Variants in NPAS3 observed in about 807,000 individuals in gnomAD.
NPAS3 encodes the protein neuronal PAS domain protein 3, also known as neuronal PAS domain-containing protein 3.
A neutral mutation model predicts 73.1 loss-of-function variants in NPAS3; 14 were observed. That is an observed-to-expected ratio of 0.19 (90% confidence interval 0.13 to 0.30). The LOEUF (loss-of-function observed/expected upper bound fraction) is 0.30, where lower values mean the gene tolerates loss of function less well. Ranked by LOEUF, NPAS3 falls within the 10% of genes least tolerant of loss-of-function variation. The pLI is 1.00. For missense variants in NPAS3, 1,096 were observed against 1,250.0 expected (o/e 0.88, Z 1.86); for synonymous variants, 620 against 541.5 (o/e 1.14, Z -2.01).
intron 5 of NPAS3, among the ~76,000 whole-genome samples, chr14:33,599,064 A>G (rs568886383): frequency 1.0e-3 from 158 of 152,278 alleles, no homozygotes; most frequent in African/African-American, 3.6e-3. Flanking sequence ...TATTAGGCAC[A>G]TGTTTTTTTT....
chr14:33,113,020 G>A (rs916082915), intron 2 of NPAS3, among the ~76,000 whole-genome samples: 5 of 152,120 alleles, frequency 3.3e-5, no homozygotes, highest in Admixed American at 6.5e-5. Context: ...TGCTCCATTG[G>A]TCTGTATCTC....
At chr14:33,178,730 T>C (rs934685877) in intron 2 of NPAS3, among the ~76,000 whole-genome samples, 8 of 152,200 alleles carry the variant, frequency 5.3e-5, no homozygotes, top group African/African-American at 1.9e-4. Flanking sequence ...ATGGATTCTT[T>C]GGGATTTTCT....
chr14:33,426,039 T>C (rs1423161080), intron 4 of NPAS3, among the ~76,000 whole-genome samples: 1 of 152,058 alleles, frequency 6.6e-6, no homozygotes, highest in Non-Finnish European at 1.5e-5. Context: ...AGGACTTATA[T>C]TCACTGAGCT....
chr14:33,203,822 C>T (rs2046715642), intron 2 of NPAS3, among the ~76,000 whole-genome samples: 2 of 152,104 alleles, frequency 1.3e-5, no homozygotes, highest in African/African-American at 2.4e-5. Flanking sequence ...ATTTATAATC[C>T]TTTGGGTATA....
intron 5 of NPAS3, among the ~76,000 whole-genome samples, chr14:33,669,321 T>C (rs1295640250): frequency 6.6e-6 from 1 of 152,218 alleles, no homozygotes; most frequent in Non-Finnish European, 1.5e-5. Context: ...CTATAGGCAC[T>C]TGAAAAATTC....
chr14:33,010,668 T>C (rs112664816), intron 1 of NPAS3, among the ~76,000 whole-genome samples: 12 of 152,272 alleles, frequency 7.9e-5, no homozygotes, highest in South Asian at 2.1e-4. Flanking sequence ...AACATTGAAG[T>C]AGGCTGGGCA....
At chr14:33,277,746 G>A (rs1334032187) in intron 3 of NPAS3, among the ~76,000 whole-genome samples, 17 of 152,124 alleles carry the variant, frequency 1.1e-4, no homozygotes, top group Non-Finnish European at 1.6e-4. Context: ...GGTTGGAATT[G>A]CTGGAGCAGA....
intron 5 of NPAS3, among the ~76,000 whole-genome samples, chr14:33,574,292 G>A (rs1353716312): frequency 6.6e-6 from 1 of 152,098 alleles, no homozygotes; most frequent in Non-Finnish European, 1.5e-5. Flanking sequence ...AAAGTGACCT[G>A]GCTGGTATCC....
intron 2 of NPAS3, among the ~76,000 whole-genome samples, chr14:33,198,216 CA>C (rs1324334240): frequency 1.3e-5 from 2 of 152,176 alleles, no homozygotes; most frequent in African/African-American, 2.4e-5. Context: ...TTGCAAAGAG[CA>C]AAAGAACAAA....
At chr14:33,498,599 C>A (rs149820200) in intron 4 of NPAS3, among the ~76,000 whole-genome samples, 7 of 152,020 alleles carry the variant, frequency 4.6e-5, no homozygotes, top group Non-Finnish European at 7.4e-5. Context: ...GAACAAAAAA[C>A]CAAACACCGC....
intron 3 of NPAS3, among the ~76,000 whole-genome samples, chr14:33,311,191 T>C (rs2042987629): frequency 6.6e-6 from 1 of 152,122 alleles, no homozygotes; most frequent in Non-Finnish European, 1.5e-5. Context: ...TGTCGTCCTG[T>C]CTCAGCTGTC....
chr14:33,062,155 A>G (rs1443303999), intron 2 of NPAS3, among the ~76,000 whole-genome samples: 1 of 152,072 alleles, frequency 6.6e-6, no homozygotes, highest in East Asian at 1.9e-4. Context: ...TTCGAGAAGA[A>G]TTACCCTGGA....
chr14:33,426,604 T>C (rs1269009573), intron 4 of NPAS3, among the ~76,000 whole-genome samples: 1 of 151,830 alleles, frequency 6.6e-6, no homozygotes, highest in African/African-American at 2.4e-5. Flanking sequence ...ACTTAGGATA[T>C]TGTTAAGGGA....
chr14:33,715,901 T>G (rs1180827016), intron 6 of NPAS3, among the ~76,000 whole-genome samples: 1 of 152,196 alleles, frequency 6.6e-6, no homozygotes, highest in East Asian at 1.9e-4. Flanking sequence ...AGTTCCACTG[T>G]GCATGTTCTT....
chr14:33,355,293 C>G (rs184143176), intron 3 of NPAS3, among the ~76,000 whole-genome samples: 1 of 152,272 alleles, frequency 6.6e-6, no homozygotes, highest in Admixed American at 6.5e-5. Context: ...CTGCAGTCCT[C>G]CAAGTAAACC....
At chr14:32,978,523 T>G (rs1419667771) in intron 1 of NPAS3, among the ~76,000 whole-genome samples, 3 of 141,672 alleles carry the variant, frequency 2.1e-5, no homozygotes, top group Admixed American at 6.9e-5. Flanking sequence ...ATATTAGCAG[T>G]TTTTTTTTTG....
intron 3 of NPAS3, among the ~76,000 whole-genome samples, chr14:33,291,035 G>A (rs2042078780): frequency 6.6e-6 from 1 of 152,062 alleles, no homozygotes. Context: ...GTACCTCTCG[G>A]TGTATCTAGG....
intron 7 of NPAS3, among the ~76,000 whole-genome samples, chr14:33,757,359 G>A (rs1189003194): frequency 2.6e-5 from 4 of 152,182 alleles, no homozygotes; most frequent in Non-Finnish European, 5.9e-5. Context: ...GGGATGAAGA[G>A]GATGGTCACT....
At chr14:33,276,726 A>G (rs937842874) in intron 3 of NPAS3, among the ~76,000 whole-genome samples, 1 of 152,128 alleles carries the variant, frequency 6.6e-6, no homozygotes, top group Non-Finnish European at 1.5e-5. Flanking sequence ...CTTGGCATAT[A>G]GAAGGTAATT....
Sources: gnomAD v4.1 joint callset for allele counts (sites outside exome capture counted in the v4.1 genomes callset) on GRCh38, gnomAD v4.1.1 for gene constraint, MANE v1.5 for transcripts, NCBI Gene and HGNC (gene_info 2026-07-23, HGNC 2026-07-21) for gene names.